SGCZ: variants seen among roughly 807,000 people sequenced by gnomAD.
The protein encoded by SGCZ is sarcoglycan zeta.
In SGCZ, 40 loss-of-function variants were observed where a neutral mutation model predicts 41.3. The observed-to-expected ratio is 0.97, with a 90% CI of 0.75 to 1.26. The LOEUF is 1.26. Among genes scored for constraint, SGCZ ranks in the 50% most tolerant of loss-of-function variants. SGCZ has a pLI of 0.00. For synonymous variants in SGCZ, 206 were observed against 137.5 expected (o/e 1.50, Z -3.49); for missense variants, 552 against 369.8 (o/e 1.49, Z -4.04).
chr8:14,710,222 T>C (rs190784752), intron 1 of SGCZ, among the ~76,000 whole-genome samples: 22 of 150,746 alleles, frequency 1.5e-4, no homozygotes, highest in African/African-American at 4.6e-4. Context: ...AAAAAAAAAT[T>C]AGCAGGGCGT....
At chr8:14,185,424 T>TA (rs1000272811) in intron 4 of SGCZ, among the ~76,000 whole-genome samples, 14 of 151,654 alleles carry the variant, frequency 9.2e-5, no homozygotes, top group African/African-American at 2.9e-4. Flanking sequence ...ATAAATAAAA[T>TA]AAAAAAACAA....
chr8:14,320,236 G>T, intron 3 of SGCZ, among the ~76,000 whole-genome samples: 1 of 151,052 alleles, frequency 6.6e-6, no homozygotes, highest in South Asian at 2.1e-4. Context: ...ATATGATAAT[G>T]ATAACCATGA....
At chr8:15,144,605 G>A (rs1798988037) in intron 1 of SGCZ, among the ~76,000 whole-genome samples, 1 of 151,974 alleles carries the variant, frequency 6.6e-6, no homozygotes, top group Non-Finnish European at 1.5e-5. Flanking sequence ...TGGAATACAG[G>A]CACATGCCGC....
At chr8:14,657,178 T>C (rs1807604329) in intron 1 of SGCZ, among the ~76,000 whole-genome samples, 1 of 152,060 alleles carries the variant, frequency 6.6e-6, no homozygotes. Context: ...TCCTCAGCAG[T>C]CTAATTTTCT....
At chr8:14,919,455 A>G (rs1412045097) in intron 1 of SGCZ, among the ~76,000 whole-genome samples, 1 of 152,110 alleles carries the variant, frequency 6.6e-6, no homozygotes, top group Non-Finnish European at 1.5e-5. Flanking sequence ...AATAAATACA[A>G]TTAAAATATT....
chr8:14,969,327 C>G (rs771027613), intron 1 of SGCZ, among the ~76,000 whole-genome samples: 4 of 152,140 alleles, frequency 2.6e-5, no homozygotes, highest in Admixed American at 2.6e-4. Context: ...GGACTACACA[C>G]TGAAACATCT....
At chr8:15,142,930 C>T (rs17609529) in intron 1 of SGCZ, among the ~76,000 whole-genome samples, 3,052 of 152,120 alleles carry the variant, frequency 0.02, 104 homozygotes, top group East Asian at 0.14. Flanking sequence ...CTTTAAATGA[C>T]GCTTTCTATC....
At chr8:15,029,505 A>G (rs1467071407) in intron 1 of SGCZ, among the ~76,000 whole-genome samples, 1 of 152,156 alleles carries the variant, frequency 6.6e-6, no homozygotes, top group Non-Finnish European at 1.5e-5. Context: ...TATGTTAACT[A>G]CAATTTTGAA....
At chr8:14,985,105 G>C (rs554156148) in intron 1 of SGCZ, among the ~76,000 whole-genome samples, 1 of 152,238 alleles carries the variant, frequency 6.6e-6, no homozygotes, top group African/African-American at 2.4e-5. Flanking sequence ...ACGAAAGAAT[G>C]ACATAAATAT....
At chr8:14,336,385 G>C (rs934863113) in intron 2 of SGCZ, among the ~76,000 whole-genome samples, 3 of 152,110 alleles carry the variant, frequency 2.0e-5, no homozygotes, top group African/African-American at 4.8e-5. Context: ...ATTATGAATA[G>C]TGCTGCAGTG....
intron 1 of SGCZ, among the ~76,000 whole-genome samples, chr8:14,710,325 GC>G (rs1390074101): frequency 1.4e-5 from 2 of 145,146 alleles, no homozygotes; most frequent in African/African-American, 5.1e-5. Flanking sequence ...AGCGGAGATC[GC>G]GCCACTGCAC....
intron 3 of SGCZ, among the ~76,000 whole-genome samples, chr8:14,292,310 A>G (rs1188928650): frequency 3.9e-5 from 6 of 152,022 alleles, no homozygotes; most frequent in African/African-American, 1.4e-4. Context: ...GAGAGTAGCT[A>G]CTCAATTACG....
At chr8:14,164,460 T>A (rs1422816266) in intron 5 of SGCZ, 120 bp downstream of exon 5, 1 of 1,214,440 alleles carries the variant, frequency 8.2e-7, no homozygotes, top group African/African-American at 1.5e-5. Context: ...GAACAAACGT[T>A]GTGATTATGT....
At chr8:14,785,732 C>A (rs1362820258) in intron 1 of SGCZ, among the ~76,000 whole-genome samples, 2 of 152,104 alleles carry the variant, frequency 1.3e-5, no homozygotes, top group African/African-American at 4.8e-5. Flanking sequence ...TTACTTTATC[C>A]CAAATAAACA....
chr8:14,901,095 A>G (rs541394649), intron 1 of SGCZ, among the ~76,000 whole-genome samples: 2 of 152,316 alleles, frequency 1.3e-5, no homozygotes, highest in East Asian at 1.9e-4. Flanking sequence ...AACTCCTGTT[A>G]TTCTGAAACT....
rs559893107 is a variant in SGCZ at position 14,442,053 on chromosome 8, C to T, written c.234+112679G>A. 6.4e-4 allele frequency among the ~76,000 whole-genome samples: 98 copies of T among 152,298 alleles called. 1 individual carries two copies. The highest frequency in any genetic ancestry group is 2.3e-3 in the African/African-American group (96 of 41,566). ...TGAGTAAACTGCCCAAGGCCATAAC[C>T]AGAGACATTCGAATTACAAATTGCT... On this transcript the variant is annotated intron_variant, in intron 2 of 7. Transcript: ENST00000382080.
intron 1 of SGCZ, among the ~76,000 whole-genome samples, chr8:14,688,741 G>T (rs902529788): frequency 9.9e-5 from 15 of 152,032 alleles, no homozygotes; most frequent in Non-Finnish European, 2.1e-4. Flanking sequence ...GAAAGTCATT[G>T]GTAGTTGGAA....
At chr8:14,507,552 C>G (rs1802340702) in intron 2 of SGCZ, among the ~76,000 whole-genome samples, 1 of 152,150 alleles carries the variant, frequency 6.6e-6, no homozygotes, top group Non-Finnish European at 1.5e-5. Context: ...ATTCTCTGAT[C>G]CAGTGTTTTC....
At chr8:14,295,944 T>C (rs1030604473) in intron 3 of SGCZ, among the ~76,000 whole-genome samples, 1 of 152,140 alleles carries the variant, frequency 6.6e-6, no homozygotes, top group Non-Finnish European at 1.5e-5. Context: ...ACAGGGCCAG[T>C]GCTCTGCAAA....
Sources: gnomAD v4.1 joint callset for allele counts (sites outside exome capture counted in the v4.1 genomes callset) on GRCh38, gnomAD v4.1.1 for gene constraint, MANE v1.5 for transcripts, NCBI Gene and HGNC (gene_info 2026-07-23, HGNC 2026-07-21) for gene names.